Variants in BANK1 observed in about 807,000 individuals in gnomAD.
The protein encoded by BANK1 is B-cell scaffold protein with ankyrin repeats.
A neutral mutation model predicts 94.5 loss-of-function variants in BANK1; 95 were observed. The observed-to-expected ratio is 1.00, with a 90% CI of 0.85 to 1.19. The LOEUF (loss-of-function observed/expected upper bound fraction) is 1.19, where lower values mean the gene tolerates loss of function less well. Ranked by LOEUF, BANK1 falls within the 50% of genes most tolerant of loss-of-function variation. The pLI, the probability that BANK1 is intolerant of heterozygous loss-of-function variation, is 0.00. For synonymous variants in BANK1, 334 were observed against 308.4 expected (o/e 1.08, Z -0.87); for missense variants, 987 against 932.2 (o/e 1.06, Z -0.77).
At chr4:101,883,413 ATCT>A (rs1217745859) in intron 5 of BANK1, among the ~76,000 whole-genome samples, 1 of 152,222 alleles carries the variant, frequency 6.6e-6, no homozygotes, top group Non-Finnish European at 1.5e-5. Context: ...CTTATAAGTC[ATCT>A]TCGTCTATTT....
chr4:102,073,710 G>A lies in BANK1; in HGVS notation c.2325G>A (p.Lys775=). ...NKLPARPQVE[K]EFGFCCKKDH The stretch of plus-strand genomic sequence containing the variant: ...TTCCTGCTCGACCCCAAGTTGAAAA[G>A]GAATTTGGTTTCTGTTGCAAGAAAG... Residue 775 remains lysine, a synonymous_variant, in exon 16 of 17, where the codon AAG becomes AAA. Transcript: ENST00000322953. The A allele has an allele frequency of 6.2e-7, 1 of 1,611,202 alleles. No individual in the cohort carries two copies. The highest frequency in any genetic ancestry group is 8.5e-7 in the Non-Finnish European group (1 of 1,178,518).
At chr4:102,059,364 T>G (rs924692892) in intron 11 of BANK1, among the ~76,000 whole-genome samples, 8 of 152,202 alleles carry the variant, frequency 5.3e-5, no homozygotes, top group African/African-American at 1.9e-4. Flanking sequence ...ATGTTGCACT[T>G]AATGGAAATA....
chr4:102,060,163 T>C (rs758912682), intron 11 of BANK1, 48 bp from the exon 12 acceptor site: 1 of 1,465,616 alleles, frequency 6.8e-7, no homozygotes, highest in Non-Finnish European at 9.1e-7. Flanking sequence ...TGTTCCCAGT[T>C]GTCTACACCT....
At chr4:101,888,427 C>G (rs974909449) in intron 5 of BANK1, among the ~76,000 whole-genome samples, 1 of 152,192 alleles carries the variant, frequency 6.6e-6, no homozygotes, top group Non-Finnish European at 1.5e-5. Flanking sequence ...TTTCCTCCCT[C>G]TTTCTGGCTA....
chr4:101,886,685 C>A (rs1728867359), intron 5 of BANK1, among the ~76,000 whole-genome samples: 1 of 149,910 alleles, frequency 6.7e-6, no homozygotes, highest in African/African-American at 2.5e-5. Context: ...CATTAAGTAT[C>A]TCCATTAATG....
At chr4:102,032,273 T>C (rs1271442268) in intron 10 of BANK1, 1 of 152,224 alleles carries the variant, frequency 6.6e-6, no homozygotes, top group Non-Finnish European at 1.5e-5. Flanking sequence ...CATGTTGTGT[T>C]CGTCTACCGT....
chr4:101,986,895 G>GTATATATATA (rs1253442320), intron 7 of BANK1, among the ~76,000 whole-genome samples: 21 of 64,680 alleles, frequency 3.2e-4, no homozygotes, highest in African/African-American at 1.5e-3. Flanking sequence ...GTGTGTGTGT[G>GTATATATATA]TGTGTATATA....
chr4:102,039,002 T>G (rs1201136587), intron 10 of BANK1, among the ~76,000 whole-genome samples: 4 of 152,182 alleles, frequency 2.6e-5, no homozygotes, highest in Admixed American at 2.6e-4. Flanking sequence ...CATGCAGCAG[T>G]GTGTTTTCCA....
intron 11 of BANK1, among the ~76,000 whole-genome samples, chr4:102,055,797 TC>T (rs1228592280): frequency 6.6e-6 from 1 of 152,152 alleles, no homozygotes; most frequent in Non-Finnish European, 1.5e-5. Flanking sequence ...TTAAATCCTC[TC>T]AACTCTTTCT....
chr4:101,840,785 C>CTG (rs145442412), intron 2 of BANK1, among the ~76,000 whole-genome samples: 6 of 152,164 alleles, frequency 3.9e-5, no homozygotes, highest in Admixed American at 6.5e-5. Context: ...CTCTGTATTT[C>CTG]TGTGTGTGTG....
chr4:101,832,927 T>C (rs994140887), intron 2 of BANK1, among the ~76,000 whole-genome samples: 1 of 150,848 alleles, frequency 6.6e-6, no homozygotes, highest in Non-Finnish European at 1.5e-5. Flanking sequence ...CTCCTTCCCT[T>C]TCTCACTTTT....
At chr4:102,003,377 A>C (rs1003611229) in intron 7 of BANK1, among the ~76,000 whole-genome samples, 1 of 152,182 alleles carries the variant, frequency 6.6e-6, no homozygotes, top group African/African-American at 2.4e-5. Flanking sequence ...AGGGCAGCTC[A>C]AAAGAGAACT....
chr4:102,060,543 A>G (rs1728385130), intron 12 of BANK1, among the ~76,000 whole-genome samples, 154 bp downstream of exon 12: 1 of 152,224 alleles, frequency 6.6e-6, no homozygotes, highest in Admixed American at 6.5e-5. Context: ...AATGTTTGAA[A>G]ATATCCAGAT....
intron 11 of BANK1, among the ~76,000 whole-genome samples, chr4:102,059,240 G>C (rs17031987): frequency 4.6e-5 from 7 of 152,120 alleles, no homozygotes; most frequent in African/African-American, 1.7e-4. Context: ...ATAGCTCACT[G>C]GTATACAGTT....
At chr4:101,809,341 C>T (rs1237497146) in intron 1 of BANK1, among the ~76,000 whole-genome samples, 1 of 151,598 alleles carries the variant, frequency 6.6e-6, no homozygotes. Context: ...TTTGGCAACT[C>T]GGGCAGAAGG....
rs527981441 is a variant in BANK1, at chr4:101,907,497, G to A, written c.1010-10496G>A. ...GCATTCCCTTTGAAAACTGGCAAAAGACAGGGATGCCCTCTCTCACCACTC... is the reference window on the plus strand; with the variant it reads ...GCATTCCCTTTGAAAACTGGCAAAAAACAGGGATGCCCTCTCTCACCACTC... On this transcript the variant is annotated intron_variant, in intron 6 of 16. Transcript: ENST00000322953. Among the ~76,000 whole-genome samples, 497 of 152,310 alleles carry A rather than the reference G, an allele frequency of 3.3e-3. 3 individuals are homozygous for A. The highest frequency in any genetic ancestry group is 0.011 in the African/African-American group (467 of 41,558).
At chr4:101,958,349 A>G (rs1020548748) in intron 7 of BANK1, among the ~76,000 whole-genome samples, 2 of 152,080 alleles carry the variant, frequency 1.3e-5, no homozygotes, top group Non-Finnish European at 2.9e-5. Context: ...TGGAATAGTA[A>G]ATTAAATAGC....
At chr4:101,926,991 A>C (rs1181434447) in intron 7 of BANK1, among the ~76,000 whole-genome samples, 1 of 151,896 alleles carries the variant, frequency 6.6e-6, no homozygotes, top group African/African-American at 2.4e-5. Context: ...AGGGCTGTAT[A>C]GGTAATGATG....
intron 15 of BANK1, 130 bp downstream of exon 15, chr4:102,072,530 G>C (rs1728793953): frequency 6.9e-6 from 4 of 576,300 alleles, no homozygotes; most frequent in Middle Eastern, 2.9e-4. Context: ...GGTTAGGTGT[G>C]CCTTTGTGTG....
Sources: allele counts gnomAD v4.1 joint callset (sites outside exome capture counted in the v4.1 genomes callset), GRCh38; gene constraint gnomAD v4.1.1; transcripts MANE v1.5; gene names NCBI Gene and HGNC (gene_info 2026-07-23, HGNC 2026-07-21).